The following ADAM23 variants were observed in gnomAD, a reference collection of about 807,000 sequenced individuals.
The protein encoded by ADAM23 is disintegrin and metalloproteinase domain-containing protein 23.
A neutral mutation model predicts 120.1 loss-of-function variants in ADAM23; 33 were observed. The observed-to-expected ratio is 0.27, with a 90% CI of 0.21 to 0.37. ADAM23 has a LOEUF of 0.37. ADAM23 is among the 10% of genes least tolerant of loss of function. The pLI is 1.00. For missense variants in ADAM23, 862 were observed against 1,058.2 expected (o/e 0.81, Z 2.57); for synonymous variants, 367 against 375.2 (o/e 0.98, Z 0.25).
rs548137926 is a variant in ADAM23, at chr2:206,535,089, T to C, written c.573+4141T>C. Among the ~76,000 whole-genome samples the C allele has an allele frequency of 2.6e-5, 4 of 152,244 alleles. No homozygotes were observed. The South Asian group carries it at 8.3e-4, about 32-fold the overall frequency. ...GCTGGGGTTAGGTTGTCCCACATTG[T>C]CTCTGCCTGGGTGGGTAAGGCTAGC... is the stretch of plus-strand genomic sequence containing the variant. On this transcript the variant is annotated intron_variant, in intron 4 of 25. Coordinates refer to ENST00000264377, the MANE Select transcript of ADAM23 (RefSeq NM_003812.4).
chr2:206,538,325 G>T (rs1697222724), intron 4 of ADAM23, among the ~76,000 whole-genome samples: 1 of 151,960 alleles, frequency 6.6e-6, no homozygotes, highest in African/African-American at 2.4e-5. Flanking sequence ...TCCCATTATA[G>T]ATATCTTTTT....
At chr2:206,555,587 A>G (rs1697627102) in intron 9 of ADAM23, among the ~76,000 whole-genome samples, 2 of 152,218 alleles carry the variant, frequency 1.3e-5, no homozygotes, top group African/African-American at 4.8e-5. Flanking sequence ...AAAATTACAA[A>G]TATGAAATAA....
At chr2:206,494,023 G>C (rs1696186175) in intron 3 of ADAM23, among the ~76,000 whole-genome samples, 1 of 152,288 alleles carries the variant, frequency 6.6e-6, no homozygotes, top group African/African-American at 2.4e-5. Flanking sequence ...GGTATACAAG[G>C]TGATGTTTTA....
At chr2:206,522,979 C>T (rs733237) in intron 3 of ADAM23, among the ~76,000 whole-genome samples, 118,105 of 151,982 alleles carry the variant, frequency 0.78, 46,160 homozygotes, top group African/African-American at 0.83. Context: ...GGGGAAGAAA[C>T]GAAACATCTT....
At chr2:206,464,764 A>G (rs1695507366) in intron 2 of ADAM23, among the ~76,000 whole-genome samples, 1 of 151,906 alleles carries the variant, frequency 6.6e-6, no homozygotes, top group Non-Finnish European at 1.5e-5. Flanking sequence ...GGTTGTCAGA[A>G]CTGGGCGGGG....
intron 15 of ADAM23, among the ~76,000 whole-genome samples, chr2:206,569,582 C>T (rs1369067135): frequency 2.0e-5 from 3 of 152,180 alleles, no homozygotes; most frequent in Non-Finnish European, 2.9e-5. Context: ...AGTGACCCGT[C>T]TCAGGATGGA....
intron 14 of ADAM23, among the ~76,000 whole-genome samples, chr2:206,565,920 G>T (rs1697867562): frequency 6.6e-6 from 1 of 152,120 alleles, no homozygotes; most frequent in Admixed American, 6.5e-5. Context: ...TCCTGGGGAG[G>T]AGTGTGGGCA....
intron 8 of ADAM23, among the ~76,000 whole-genome samples, chr2:206,549,871 C>T (rs1164475336): frequency 6.6e-6 from 1 of 151,830 alleles, no homozygotes; most frequent in South Asian, 2.1e-4. Flanking sequence ...AAGTAAGTAC[C>T]TTAATGATAA....
In ADAM23 at chr2:206,563,770, C is replaced by T. The variant is rs538562689; in HGVS notation, c.1346-1250C>T. Among the ~76,000 whole-genome samples, 118 of 148,654 alleles carry T rather than the reference C, an allele frequency of 7.9e-4. 1 individual carries two copies. Among genetic ancestry groups the T allele is most frequent in the Admixed American group, 1.3e-3 (19 of 14,870 alleles). On this transcript the variant is annotated intron_variant, in intron 13 of 25. Coordinates refer to ENST00000264377, the MANE Select transcript of ADAM23 (RefSeq NM_003812.4). The stretch of plus-strand genomic sequence containing the variant: ...TTTGAGAATGAGTCTCACTCTGTCT[C>T]CCAGGCTGGAGTGCAGTGGCACGAT...
intron 3 of ADAM23, 96 bp downstream of exon 3, chr2:206,481,404 A>G: frequency 2.4e-6 from 2 of 850,996 alleles, no homozygotes; most frequent in Non-Finnish European, 3.5e-6. Flanking sequence ...TTGTTTAACA[A>G]CTATTTTCTA....
chr2:206,559,483 T>C (rs1697714762), intron 10 of ADAM23, among the ~76,000 whole-genome samples: 1 of 152,176 alleles, frequency 6.6e-6, no homozygotes, highest in African/African-American at 2.4e-5. Flanking sequence ...ACTTTTCATA[T>C]AATATGACCT....
chr2:206,564,024 C>T (rs1408486060), intron 13 of ADAM23, among the ~76,000 whole-genome samples: 1 of 152,084 alleles, frequency 6.6e-6, no homozygotes, highest in African/African-American at 2.4e-5. Context: ...GCCACTGCGC[C>T]CGGCCTAAAA....
intron 3 of ADAM23, among the ~76,000 whole-genome samples, chr2:206,498,637 CA>C (rs1696312385): frequency 6.6e-6 from 1 of 152,048 alleles, no homozygotes; most frequent in Non-Finnish European, 1.5e-5. Flanking sequence ...CAACAAAAGC[CA>C]AAATTGACAA....
chr2:206,573,255 C>A, intron 18 of ADAM23, 60 bp downstream of exon 18: 2 of 1,496,598 alleles, frequency 1.3e-6, no homozygotes, highest in Non-Finnish European at 1.9e-6. Context: ...TATTCCTTAC[C>A]ACAGTGCTTG....
At chr2:206,455,104 G>T (rs182767588) in intron 2 of ADAM23, among the ~76,000 whole-genome samples, 2 of 152,362 alleles carry the variant, frequency 1.3e-5, no homozygotes, top group African/African-American at 4.8e-5. Flanking sequence ...TCTCCATGGG[G>T]GCTCTGCCCC....
At chr2:206,445,246 A>G (rs1347822446) in intron 1 of ADAM23, 61 bp from the exon 2 acceptor site, 3 of 1,218,836 alleles carry the variant, frequency 2.5e-6, no homozygotes, top group Non-Finnish European at 3.6e-6. Flanking sequence ...TTATGGGGTA[A>G]ATATGTGTGT....
At position 206,548,188 on chromosome 2, in the gene ADAM23, T is replaced by G. The variant is rs1307465586; in HGVS notation, c.794-93T>G. 28 of 1,142,644 alleles carry G rather than the reference T, an allele frequency of 2.5e-5. No individual in the cohort carries two copies. In the East Asian group the frequency reaches 5.9e-4, roughly 24 times the overall value. 70.8% of individuals were successfully genotyped at this position (1,142,644 alleles called of 1,614,324 possible). On this transcript the variant is annotated intron_variant, in intron 7 of 25. Coordinates refer to ENST00000264377, the MANE Select transcript of ADAM23 (RefSeq NM_003812.4). The stretch of plus-strand genomic sequence containing the variant: ...TTTTTTCACCTTAGTTTGACATATA[T>G]TATCAGTGCCACTGTTTCTTCATGT...
At chr2:206,482,919 G>A (rs1695927130) in intron 3 of ADAM23, among the ~76,000 whole-genome samples, 1 of 152,186 alleles carries the variant, frequency 6.6e-6, no homozygotes, top group Non-Finnish European at 1.5e-5. Context: ...ACGTTGCAGT[G>A]TGGCATGTTA....
chr2:206,574,758 G>GC (rs1379433369), intron 18 of ADAM23, among the ~76,000 whole-genome samples: 1 of 152,060 alleles, frequency 6.6e-6, no homozygotes, highest in African/African-American at 2.4e-5. Context: ...ATGTGGTTTG[G>GC]CATGATCTTC....
Sources: allele counts gnomAD v4.1 joint callset (sites outside exome capture counted in the v4.1 genomes callset), GRCh38; gene constraint gnomAD v4.1.1; transcripts MANE v1.5; gene names NCBI Gene and HGNC (gene_info 2026-07-23, HGNC 2026-07-21).